The following MECOM variants were observed in gnomAD, a reference collection of about 807,000 sequenced individuals.
The protein encoded by MECOM is MDS1 and EVI1 complex locus, also known as histone-lysine N-methyltransferase MECOM.
In MECOM, 13 loss-of-function variants were observed where a neutral mutation model predicts 116.3. The ratio of observed to expected loss-of-function variants is 0.11; its 90% confidence interval spans 0.07 to 0.18. The LOEUF is 0.18. Among genes scored for constraint, MECOM ranks in the 10% least tolerant of loss-of-function variants. The probability of loss-of-function intolerance (pLI) is 1.00; values close to 1 mark genes in which losing one functional copy is unlikely to be tolerated. For synonymous variants in MECOM, 528 were observed against 535.2 expected, an observed-to-expected ratio of 0.99 and a Z score of 0.19; for missense variants, 1,299 against 1,509.0, an observed-to-expected ratio of 0.86 and a Z score of 2.31.
At chr3:169,127,810 C>G (rs749365453) in intron 5 of MECOM, 34 bp downstream of exon 5, 1 of 1,583,056 alleles carries the variant, frequency 6.3e-7, no homozygotes, top group Non-Finnish European at 8.7e-7. Context: ...AGAAAAAATA[C>G]ACAAGTTGTA....
chr3:169,569,876 C>G (rs968148375), intron 1 of MECOM, among the ~76,000 whole-genome samples: 3 of 151,966 alleles, frequency 2.0e-5, no homozygotes, highest in South Asian at 2.1e-4. Flanking sequence ...CGCTAAATGC[C>G]CACAGGAGAA....
chr3:169,556,980 A>C (rs923063855), intron 1 of MECOM, among the ~76,000 whole-genome samples: 4 of 152,132 alleles, frequency 2.6e-5, no homozygotes, highest in African/African-American at 9.7e-5. Context: ...ACACAGCAAT[A>C]ATTAGTACAG....
intron 1 of MECOM, among the ~76,000 whole-genome samples, chr3:169,602,136 T>A (rs1767907294): frequency 2.0e-5 from 3 of 152,228 alleles, no homozygotes. Context: ...GAAACAGAGA[T>A]ATACTCTGAT....
intron 2 of MECOM, among the ~76,000 whole-genome samples, chr3:169,344,228 C>T (rs910195678): frequency 6.6e-5 from 10 of 152,052 alleles, no homozygotes; most frequent in Non-Finnish European, 1.0e-4. Context: ...ATGTAAATGA[C>T]ATATATGTGT....
chr3:169,190,938 A>G (rs748260105), intron 2 of MECOM, among the ~76,000 whole-genome samples: 1 of 152,090 alleles, frequency 6.6e-6, no homozygotes, highest in Admixed American at 6.6e-5. Flanking sequence ...AGGTGGCCAC[A>G]TCTACTCTTA....
chr3:169,654,278 A>T (rs1358443052), intron 1 of MECOM, among the ~76,000 whole-genome samples: 1 of 152,232 alleles, frequency 6.6e-6, no homozygotes, highest in Non-Finnish European at 1.5e-5. Context: ...TCTGCTAGAA[A>T]TACAACTCAT....
At chr3:169,513,422 C>T (rs1756231609) in intron 1 of MECOM, among the ~76,000 whole-genome samples, 1 of 152,196 alleles carries the variant, frequency 6.6e-6, no homozygotes, top group African/African-American at 2.4e-5. Flanking sequence ...ACTTGCTTCA[C>T]TCACTGTGAT....
chr3:169,413,502 G>C lies in MECOM; in HGVS notation c.38-31978C>G, dbSNP rs556347885. 1.6e-3 allele frequency among the ~76,000 whole-genome samples: 133 copies of C among 83,928 alleles called. 1 individual carries two copies. The highest frequency in any genetic ancestry group is 5.5e-3 in the African/African-American group (118 of 21,554). The allele number at this position is 83,928 out of a possible 152,430, so 55.1% of individuals were successfully genotyped here. A position where few individuals can be genotyped will look rare whatever the true frequency, so the allele number is the denominator to read the frequency against. ...TGTTTTTTTTTTTATTTTTTTTTTT[G>C]TACCCAAGTGGCATCTGGAACTCCA... On this transcript the variant is annotated intron_variant, in intron 1 of 16. Transcript: ENST00000651503.
intron 1 of MECOM, among the ~76,000 whole-genome samples, chr3:169,501,316 C>T (rs1323375612): frequency 6.6e-6 from 1 of 151,876 alleles, no homozygotes; most frequent in Admixed American, 6.6e-5. Context: ...GTAGAAATTA[C>T]ATCCCTAGAG....
chr3:169,252,082 A>T (rs1756310863), intron 2 of MECOM, among the ~76,000 whole-genome samples: 3 of 152,206 alleles, frequency 2.0e-5, no homozygotes, highest in South Asian at 4.1e-4. Context: ...ATGTAAAATT[A>T]CACTATCATA....
chr3:169,122,391 A>G (rs16853198), intron 6 of MECOM, among the ~76,000 whole-genome samples, 189 bp downstream of exon 6: 10,664 of 152,292 alleles, frequency 0.07, 444 homozygotes, highest in East Asian at 0.14. Flanking sequence ...TTACAAAAAT[A>G]AAAGGATACC....
intron 1 of MECOM, among the ~76,000 whole-genome samples, chr3:169,437,219 A>T (rs563003160): frequency 2.8e-4 from 42 of 152,344 alleles, no homozygotes; most frequent in African/African-American, 8.2e-4. Flanking sequence ...GGGGGTGGAC[A>T]ATGCCAGATT....
intron 1 of MECOM, among the ~76,000 whole-genome samples, chr3:169,544,608 G>A (rs1001934557): frequency 6.6e-5 from 10 of 152,102 alleles, no homozygotes; most frequent in African/African-American, 1.2e-4. Flanking sequence ...TAGCAAAGAC[G>A]TGGAACCAAC....
At chr3:169,187,538 G>A (rs889261747) in intron 2 of MECOM, among the ~76,000 whole-genome samples, 2 of 152,046 alleles carry the variant, frequency 1.3e-5, no homozygotes, top group Non-Finnish European at 2.9e-5. Flanking sequence ...TTTCTGAACA[G>A]AACCCTAAAA....
intron 1 of MECOM, among the ~76,000 whole-genome samples, chr3:169,418,367 GA>G (rs1739086558): frequency 1.3e-5 from 2 of 151,996 alleles, no homozygotes; most frequent in Non-Finnish European, 2.9e-5. Flanking sequence ...CCAAACAATA[GA>G]AAAAGAGGGA....
chr3:169,234,927 T>C (rs140363440), intron 2 of MECOM, among the ~76,000 whole-genome samples: 1,791 of 152,326 alleles, frequency 0.012, 36 homozygotes, highest in South Asian at 0.022. Context: ...AAAACTCCTG[T>C]ATTTTAGAAT....
Position 169,167,585 on chromosome 3 carries a change from T to G in MECOM, c.376-23753A>C, listed in dbSNP as rs186795593. The stretch of plus-strand genomic sequence containing the variant: ...CAGTAGTTTAAATTACTTTTGCAAA[T>G]CCTCTATAATTGCTTTTCACCATAA... On this transcript the variant is annotated intron_variant, in intron 2 of 16. Coordinates refer to ENST00000651503, the MANE Select transcript of MECOM (RefSeq NM_004991.4). 7.2e-5 allele frequency among the ~76,000 whole-genome samples: 11 copies of G among 152,250 alleles called. No homozygotes were observed. In the East Asian group the frequency reaches 1.7e-3, roughly 24 times the overall value.
chr3:169,210,902 G>C (rs1003386069), intron 2 of MECOM, among the ~76,000 whole-genome samples: 2 of 152,124 alleles, frequency 1.3e-5, no homozygotes, highest in Non-Finnish European at 2.9e-5. Flanking sequence ...TTTGTGTCCA[G>C]TTTCTTTCCC....
chr3:169,410,021 T>G (rs1737293108), intron 1 of MECOM, among the ~76,000 whole-genome samples: 1 of 152,246 alleles, frequency 6.6e-6, no homozygotes, highest in Non-Finnish European at 1.5e-5. Context: ...ATCTGAGGCC[T>G]AATTTGCCTT....
Sources: gnomAD v4.1 joint callset for allele counts (sites outside exome capture counted in the v4.1 genomes callset) on GRCh38, gnomAD v4.1.1 for gene constraint, MANE v1.5 for transcripts, NCBI Gene and HGNC (gene_info 2026-07-23, HGNC 2026-07-21) for gene names.